Variants in TYMP observed in about 807,000 individuals in gnomAD.
The protein encoded by TYMP is gliostatin.
TYMP carries 46 observed loss-of-function variants against 42.3 expected under a neutral mutation model. The ratio of observed to expected loss-of-function variants is 1.09; its 90% confidence interval spans 0.86 to 1.39. TYMP has a LOEUF of 1.39. TYMP is among the 40% of genes most tolerant of loss of function. TYMP has a pLI of 0.00. For missense variants in TYMP, 837 were observed against 677.6 expected (o/e 1.24, Z -2.61); for synonymous variants, 363 against 308.0 (o/e 1.18, Z -1.87).
Position 50,528,512 on chromosome 22 carries a change from CTGCTCTG to C in TYMP, c.509_515del (p.Pro170ArgfsTer33). ...ATGACTGATCCGTGGCGCCCCGTAC[CTGCTCTG>C]GGCTCTGGATGACATTGAATCCAGG... On this transcript the variant is annotated frameshift_variant and splice_region_variant, in exon 4 of 10. Transcript: ENST00000252029. LOFTEE classifies it high-confidence loss of function. The C allele has an allele frequency of 6.2e-7, 1 of 1,613,570 alleles. No individual in the cohort carries two copies. The highest frequency in any genetic ancestry group is 8.5e-7 in the Non-Finnish European group (1 of 1,179,732).
chr22:50,529,634 G>C lies in TYMP; in HGVS notation c.76C>G (p.Leu26Val), dbSNP rs372766037. 6 of 1,612,504 alleles carry C rather than the reference G, an allele frequency of 3.7e-6. 1 individual carries two copies. In the Middle Eastern group the frequency reaches 4.9e-4, roughly 133 times the overall value. Reference protein sequence around the residue: ...GDFSGEGSQGLPDPSPEPKQL... With the variant: ...GDFSGEGSQGVPDPSPEPKQL... ...TTGGGCTCTGGCGAAGGGTCGGGAA[G>C]TCCCTGGCTCCCTTCCCCGGAGAAG... Residue 26 changes from leucine (L) to valine (V), a missense_variant, in exon 2 of 10, where the codon CTT becomes GTT. Leu to Val is a conservative substitution (Grantham distance 32). Transcript: ENST00000252029.
intron 6 of TYMP, 34 bp downstream of exon 6, chr22:50,527,131 A>C (rs772008398): frequency 4.7e-5 from 73 of 1,555,402 alleles, no homozygotes; most frequent in Admixed American, 2.5e-4. Context: ...GCCCGCATCA[A>C]GACGCTTGCC....
Position 50,529,613 on chromosome 22 carries a change from G to A in TYMP, c.97C>T (p.Pro33Ser), listed in dbSNP as rs2069518794. The A allele has an allele frequency of 1.9e-6, 3 of 1,612,838 alleles. No homozygotes were observed. Among genetic ancestry groups the A allele is most frequent in the African/African-American group, 2.7e-5 (2 of 74,948 alleles). ...SQGLPDPSPE[P>S]KQLPELIRMK... ...CGGATCAGCTCCGGGAGCTGCTTGG[G>A]CTCTGGCGAAGGGTCGGGAAGTCCC... The change falls in exon 2 of 10, where the codon CCC becomes TCC. Residue 33 changes from proline (P) to serine (S), a missense_variant. Physicochemically the swap from Pro to Ser is moderately conservative, Grantham distance 74. Coordinates refer to ENST00000252029, the MANE Select transcript of TYMP (RefSeq NM_001953.5).
At position 50,527,669 on chromosome 22, in the gene TYMP, C is replaced by T. The variant is rs1159449172; in HGVS notation, c.565G>A (p.Glu189Lys). 1 of 1,613,926 alleles carries T rather than the reference C, an allele frequency of 6.2e-7. No homozygotes were observed. The highest frequency in any genetic ancestry group is 2.2e-5 in the East Asian group (1 of 44,884). ...QAGCCIVGQSEQLVPADGILY... is the reference protein window; with the variant it reads ...QAGCCIVGQSKQLVPADGILY... ...ATTCCGTCCGCAGGAACCAGCTGCT[C>T]ACTCTGACCCACGATACAGCAGCCC... Residue 189 changes from glutamate (E) to lysine (K), a missense_variant, in exon 5 of 10, where the codon GAG becomes AAG. Transcript: ENST00000252029.
In TYMP at chr22:50,529,355, C is replaced by G. The variant is rs753438232; in HGVS notation, c.215-17G>C. On this transcript the variant is annotated splice_polypyrimidine_tract_variant and intron_variant, in intron 2 of 9. Coordinates refer to ENST00000252029, the MANE Select transcript of TYMP (RefSeq NM_001953.5). ...GCATGGCCCCTGGTATGTGGGGGTACGCGTGAGGGTGGCAGCCCACAGCGG... is the reference window on the plus strand; with the variant it reads ...GCATGGCCCCTGGTATGTGGGGGTAGGCGTGAGGGTGGCAGCCCACAGCGG... 34 of 1,612,416 alleles carry G rather than the reference C, an allele frequency of 2.1e-5. No homozygotes were observed. The highest frequency in any genetic ancestry group is 2.6e-5 in the Non-Finnish European group (31 of 1,179,616).
intron 5 of TYMP, 74 bp downstream of exon 5, chr22:50,527,514 C>T (rs1020843199): frequency 4.3e-6 from 7 of 1,610,322 alleles, no homozygotes; most frequent in East Asian, 2.2e-5. Flanking sequence ...TAACTCCTAA[C>T]GAGAGGCCCT....
rs1477872249 is a variant in TYMP, at chr22:50,526,842, A to C, written c.766-104T>G. ...CTGCACCCTGGGTTGCCAGCCCCCCAGCATGAAGTCAGGGAAGGATTGGGG... is the reference window on the plus strand; with the variant it reads ...CTGCACCCTGGGTTGCCAGCCCCCCCGCATGAAGTCAGGGAAGGATTGGGG... On this transcript the variant is annotated intron_variant, in intron 6 of 9. Coordinates refer to ENST00000252029, the MANE Select transcript of TYMP (RefSeq NM_001953.5). 12 of 1,237,292 alleles carry C rather than the reference A, an allele frequency of 9.7e-6. 1 individual carries two copies. The Admixed American group carries it at 2.7e-4, about 28-fold the overall frequency. 76.6% of individuals were successfully genotyped at this position (1,237,292 alleles called of 1,614,324 possible).
intron 3 of TYMP, 195 bp downstream of exon 3, chr22:50,528,941 C>T: frequency 1.5e-6 from 1 of 667,396 alleles, no homozygotes; most frequent in Non-Finnish European, 2.7e-6. Flanking sequence ...GGGGCCTGGT[C>T]TGGAGCCAGA....
rs763533420 is a variant in TYMP at position 50,525,791 on chromosome 22, G to A, written c.1428C>T (p.Leu476=). The A allele has an allele frequency of 1.9e-5, 31 of 1,610,716 alleles. No individual in the cohort carries two copies. Among genetic ancestry groups the A allele is most frequent in the Non-Finnish European group, 2.5e-5 (29 of 1,179,076 alleles). Reference sequence around the variant, plus strand: ...AGCTTTATTGCTGCGGCGGCAGAACGAGCTCTGCGAAGGGCGAGGGGGCGG... The same window carrying A: ...AGCTTTATTGCTGCGGCGGCAGAACAAGCTCTGCGAAGGGCGAGGGGGCGG... ...PFAAPSPFAE[L]VLPPQQ is the part of the protein sequence containing the mutation. The change falls in exon 10 of 10, where the codon CTC becomes CTT. Residue 476 remains leucine, a synonymous_variant. Coordinates refer to ENST00000252029, the MANE Select transcript of TYMP (RefSeq NM_001953.5).
rs1366600860 is a variant in TYMP at position 50,528,253 on chromosome 22, C to T, written c.516+259G>A. ...CTCCTGGGTTCAAGGGATCTGCCCT[C>T]TTCGGCCTCCCCAAGTGCTAGGACT... On this transcript the variant is annotated intron_variant, in intron 4 of 9. Coordinates refer to ENST00000252029, the MANE Select transcript of TYMP (RefSeq NM_001953.5). The T allele has an allele frequency of 7.4e-6, 4 of 540,930 alleles. No individual in the cohort carries two copies. The Admixed American group carries it at 8.3e-5, about 11-fold the overall frequency. The allele number at this position is 540,930 out of a possible 1,614,324, so 33.5% of individuals were successfully genotyped here.
intron 3 of TYMP, 120 bp from the exon 4 acceptor site, chr22:50,528,730 G>T: frequency 1.3e-6 from 1 of 797,344 alleles, no homozygotes; most frequent in South Asian, 1.5e-5. Context: ...AGCTATAGGG[G>T]TGCCCAGCTG....
At position 50,527,923 on chromosome 22, in the gene TYMP, C is replaced by T. The variant is rs114574956; in HGVS notation, c.517-206G>A. On this transcript the variant is annotated intron_variant, in intron 4 of 9. Coordinates refer to ENST00000252029, the MANE Select transcript of TYMP (RefSeq NM_001953.5). ...CCCAGTAGCTGGGACTACAGGTGCG[C>T]ACCACCACACGCGGCTTTTTTTTTT... 6,130 of 608,372 alleles carry T rather than the reference C, an allele frequency of 0.01. 233 individuals are homozygous for T. Among genetic ancestry groups the T allele is most frequent in the African/African-American group, 0.094 (5,041 of 53,738 alleles). 37.7% of individuals were successfully genotyped at this position (608,372 alleles called of 1,614,324 possible).
rs936432894 is a variant in TYMP at position 50,526,414 on chromosome 22, C to T, written c.991G>A (p.Ala331Thr). Residue 331 changes from alanine (A) to threonine (T), a missense_variant, in exon 8 of 10, where the codon GCC becomes ACC. By Grantham distance (58) the Ala-to-Thr change is moderately conservative (BLOSUM62 0). Coordinates refer to ENST00000252029, the MANE Select transcript of TYMP (RefSeq NM_001953.5). Reference protein sequence around the residue: ...GTQAQGAARVAAALDDGSALG... With the variant: ...GTQAQGAARVTAALDDGSALG... Reference sequence around the variant, plus strand: ...GCCGAGCCGTCGTCCAGCGCCGCGGCCACCCGGGCAGCGCCCTGGGCCTGA... The same window carrying T: ...GCCGAGCCGTCGTCCAGCGCCGCGGTCACCCGGGCAGCGCCCTGGGCCTGA... 6.9e-5 allele frequency: 104 copies of T among 1,511,276 alleles called. No individual in the cohort carries two copies. The highest frequency in any genetic ancestry group is 8.8e-5 in the Non-Finnish European group (100 of 1,139,434). 93.6% of individuals were successfully genotyped at this position (1,511,276 alleles called of 1,614,324 possible).
chr22:50,529,847 C>T, intron 1 of TYMP, 57 bp downstream of exon 1: 1 of 817,550 alleles, frequency 1.2e-6, no homozygotes, highest in South Asian at 1.8e-5. Context: ...GTCTGTGTCG[C>T]CCTCGTCCGT....
rs767873355 is a variant in TYMP, at chr22:50,525,841, C to G, written c.1378G>C (p.Val460Leu). Residue 460 changes from valine to leucine, a missense_variant, in exon 10 of 10, where the codon GTA (valine) becomes CTA (leucine). Physicochemically the swap from Val to Leu is conservative, Grantham distance 32. Transcript: ENST00000252029. ...GCGAATGGCGCGCGGTCGGAGAGTA[C>G]GAGCGCCTCCTGCAGGGCGCGGCTC... ...PQSRALQEAL[V>L]LSDRAPFAAP... 21 of 1,607,526 alleles carry G rather than the reference C, an allele frequency of 1.3e-5. No individual in the cohort carries two copies. The East Asian group carries it at 4.5e-4, about 34-fold the overall frequency.
rs1162280049 is a variant in TYMP at position 50,527,788 on chromosome 22, T to G, written c.517-71A>C. The G allele has an allele frequency of 3.6e-5, 43 of 1,208,390 alleles. 1 individual carries two copies. The highest frequency in any genetic ancestry group is 4.8e-5 in the Non-Finnish European group (41 of 859,342). The allele number at this position is 1,208,390 out of a possible 1,614,324, so 74.9% of individuals were successfully genotyped here. The stretch of plus-strand genomic sequence containing the variant: ...AGCAGCTTTTTTTTTTTTTTTTTTT[T>G]TTTCTGTGAAGAGTCTTCCTCTGTT... On this transcript the variant is annotated intron_variant, in intron 4 of 9. Coordinates refer to ENST00000252029, the MANE Select transcript of TYMP (RefSeq NM_001953.5).
Position 50,529,337 on chromosome 22 carries a change from C to T in TYMP, c.216G>A (p.Gly72=). 5 of 1,613,180 alleles carry T rather than the reference C, an allele frequency of 3.1e-6. No homozygotes were observed. Among genetic ancestry groups the T allele is most frequent in the South Asian group, 1.1e-5 (1 of 91,072 alleles). Reference sequence around the variant, plus strand: ...GAAGTCGGATGGCCATCAGCATGGCCCCTGGTATGTGGGGGTACGCGTGAG... The same window carrying T: ...GAAGTCGGATGGCCATCAGCATGGCTCCTGGTATGTGGGGGTACGCGTGAG... The part of the protein sequence containing the change: ...VNGSAQGAQI[G]AMLMAIRLRG... The change falls in exon 3 of 10, where the codon GGG becomes GGA. Residue 72 remains glycine, a splice_region_variant and synonymous_variant. Coordinates refer to ENST00000252029, the MANE Select transcript of TYMP (RefSeq NM_001953.5).
chr22:50,527,818 A>G (rs2069452263), intron 4 of TYMP, 101 bp from the exon 5 acceptor site: 2 of 1,482,490 alleles, frequency 1.3e-6, no homozygotes, highest in Non-Finnish European at 1.8e-6. Context: ...TCTGTTGCCC[A>G]GGCTGGAGTG....
chr22:50,525,815 G>C lies in TYMP; in HGVS notation c.1404C>G (p.Ala468=). 1 of 1,610,452 alleles carries C rather than the reference G, an allele frequency of 6.2e-7. No homozygotes were observed. Among genetic ancestry groups the C allele is most frequent in the Admixed American group, 1.7e-5 (1 of 59,888 alleles). Reference sequence around the variant, plus strand: ...CGAGCTCTGCGAAGGGCGAGGGGGCGGCGAATGGCGCGCGGTCGGAGAGTA... The same window carrying C: ...CGAGCTCTGCGAAGGGCGAGGGGGCCGCGAATGGCGCGCGGTCGGAGAGTA... The part of the protein sequence containing the change: ...ALVLSDRAPF[A]APSPFAELVL... Residue 468 remains alanine, a synonymous_variant, in exon 10 of 10, where the codon GCC becomes GCG. Transcript: ENST00000252029.
Sources: gnomAD v4.1 joint callset for allele counts on GRCh38, gnomAD v4.1.1 for gene constraint, MANE v1.5 for transcripts, NCBI Gene and HGNC (gene_info 2026-07-23, HGNC 2026-07-21) for gene names.